The following PRKN variants were observed in gnomAD, a reference collection of about 807,000 sequenced individuals.
PRKN encodes the protein parkin RBR E3 ubiquitin protein ligase, also known as E3 ubiquitin-protein ligase parkin.
PRKN carries 56 observed loss-of-function variants against 59.5 expected under a neutral mutation model. The observed-to-expected ratio is 0.94, with a 90% confidence interval of 0.76 to 1.18. PRKN has a LOEUF of 1.18. Ranked by LOEUF, PRKN falls within the 50% of genes most tolerant of loss-of-function variation. The pLI is 0.00. For synonymous variants in PRKN, 250 were observed against 222.1 expected, an observed-to-expected ratio of 1.13 and a Z score of -1.12; for missense variants, 657 against 596.4, an observed-to-expected ratio of 1.10 and a Z score of -1.06.
At chr6:161,666,286 T>C (rs1784723225) in intron 7 of PRKN, among the ~76,000 whole-genome samples, 2 of 152,178 alleles carry the variant, frequency 1.3e-5, no homozygotes, top group South Asian at 4.1e-4. Context: ...CTCCACCTCT[T>C]GTCAGATCAG....
intron 7 of PRKN, among the ~76,000 whole-genome samples, chr6:161,570,227 A>C (rs1780836902): frequency 6.9e-6 from 1 of 144,472 alleles, no homozygotes; most frequent in Non-Finnish European, 1.5e-5. Context: ...ATTATATTTA[A>C]TGTATAGATA....
chr6:162,545,495 A>C (rs939860395), intron 1 of PRKN, among the ~76,000 whole-genome samples: 60 of 152,182 alleles, frequency 3.9e-4, no homozygotes, highest in Admixed American at 1.2e-3. Flanking sequence ...CAGAGCAGCC[A>C]TGGCTACATA....
At chr6:162,005,172 T>C (rs1319772875) in intron 5 of PRKN, among the ~76,000 whole-genome samples, 1 of 152,174 alleles carries the variant, frequency 6.6e-6, no homozygotes, top group East Asian at 1.9e-4. Context: ...AAAAGGGAAA[T>C]GACAACATAT....
At position 161,518,642 on chromosome 6, in the gene PRKN, G is replaced by A. The variant is rs750655647; in HGVS notation, c.1083+30212C>T. ...CCCTAGCAGCACAAGCCCAGCCTCC[G>A]CTCACCCAGCCCCCTAGTGAGGTGA... On this transcript the variant is annotated intron_variant, in intron 9 of 11. Coordinates refer to ENST00000366898, the MANE Select transcript of PRKN (RefSeq NM_004562.3). The surrounding 1 kb of genome is among the most constrained non-coding windows in gnomAD (Gnocchi z 5.0). Among the ~76,000 whole-genome samples, 7 of 152,276 alleles carry A rather than the reference G, an allele frequency of 4.6e-5. No homozygotes were observed. Among genetic ancestry groups the A allele is most frequent in the South Asian group, 2.1e-4 (1 of 4,810 alleles).
At chr6:162,670,770 T>C (rs1330413574) in intron 1 of PRKN, among the ~76,000 whole-genome samples, 3 of 152,228 alleles carry the variant, frequency 2.0e-5, no homozygotes, top group African/African-American at 7.2e-5. Flanking sequence ...AAATATACCA[T>C]ATTTACAATT....
chr6:161,637,954 T>C (rs1279105384), intron 7 of PRKN, among the ~76,000 whole-genome samples: 2 of 152,132 alleles, frequency 1.3e-5, no homozygotes, highest in Non-Finnish European at 2.9e-5. Flanking sequence ...AGAGGTAGAG[T>C]TGGCTTTCCA....
At chr6:162,437,639 T>C (rs1383615623) in intron 2 of PRKN, among the ~76,000 whole-genome samples, 2 of 152,172 alleles carry the variant, frequency 1.3e-5, no homozygotes, top group Non-Finnish European at 2.9e-5. Flanking sequence ...ATTTCTATCA[T>C]TTTGTCGTTT....
chr6:162,077,732 G>A (rs1043680028), intron 4 of PRKN, among the ~76,000 whole-genome samples: 2 of 151,932 alleles, frequency 1.3e-5, no homozygotes, highest in Admixed American at 6.6e-5. Context: ...GGGCGCTGTG[G>A]CTCAGGTCTG....
At chr6:161,489,025 AG>A (rs1777446531) in intron 9 of PRKN, among the ~76,000 whole-genome samples, 2 of 152,196 alleles carry the variant, frequency 1.3e-5, no homozygotes, top group Non-Finnish European at 2.9e-5. Context: ...ATGAAAGAAA[AG>A]GGGGCTAAGA....
intron 3 of PRKN, among the ~76,000 whole-genome samples, chr6:162,205,694 A>G (rs1784906526): frequency 6.6e-6 from 1 of 152,190 alleles, no homozygotes; most frequent in South Asian, 2.1e-4. Context: ...ACTCTCTGCA[A>G]TGATGAAAAT....
chr6:162,696,471 G>T (rs1231086319), intron 1 of PRKN, among the ~76,000 whole-genome samples: 3 of 151,370 alleles, frequency 2.0e-5, no homozygotes, highest in African/African-American at 7.3e-5. Flanking sequence ...TACTGGAAAA[G>T]CATGTATTTG....
intron 7 of PRKN, among the ~76,000 whole-genome samples, chr6:161,763,824 A>C (rs751526180): frequency 8.5e-5 from 13 of 152,052 alleles, no homozygotes; most frequent in Non-Finnish European, 1.6e-4. Context: ...CTGAATCGAG[A>C]AACCTAAGCA....
At chr6:161,918,605 G>T (rs1396127539) in intron 6 of PRKN, among the ~76,000 whole-genome samples, 1 of 152,106 alleles carries the variant, frequency 6.6e-6, no homozygotes, top group Non-Finnish European at 1.5e-5. Context: ...TATAATCATG[G>T]TGCATTATCT....
intron 3 of PRKN, among the ~76,000 whole-genome samples, chr6:162,262,037 C>T (rs574840202): frequency 6.6e-6 from 1 of 152,150 alleles, no homozygotes; most frequent in Non-Finnish European, 1.5e-5. Context: ...AATTCTATTA[C>T]ACCTTTGACT....
intron 6 of PRKN, among the ~76,000 whole-genome samples, chr6:161,796,791 A>C (rs1003730458): frequency 2.6e-5 from 4 of 152,200 alleles, no homozygotes; most frequent in Admixed American, 2.0e-4. Context: ...TATCATTTGC[A>C]CAGAGCTGTT....
chr6:162,558,564 G>A (rs1414679974), intron 1 of PRKN, among the ~76,000 whole-genome samples: 1 of 151,794 alleles, frequency 6.6e-6, no homozygotes, highest in Non-Finnish European at 1.5e-5. Context: ...CCCGATTTCA[G>A]GTGATCTGCC....
chr6:162,101,106 C>T (rs1236999567), intron 4 of PRKN, among the ~76,000 whole-genome samples: 1 of 152,008 alleles, frequency 6.6e-6, no homozygotes, highest in African/African-American at 2.4e-5. Context: ...CCTATTTTCC[C>T]TTTTGTTGCT....
chr6:161,928,897 T>C (rs763492731), intron 6 of PRKN, among the ~76,000 whole-genome samples: 6 of 152,182 alleles, frequency 3.9e-5, no homozygotes, highest in African/African-American at 7.2e-5. Context: ...TTGGATCTAA[T>C]TGGAATAGGC....
rs2114989857 is a variant in PRKN, at chr6:161,405,442, G to T, written c.1084-18565C>A. On this transcript the variant is annotated intron_variant, in intron 9 of 11. Coordinates refer to ENST00000366898, the MANE Select transcript of PRKN (RefSeq NM_004562.3). This position sits in a 1 kb window ranked among gnomAD's most constrained non-coding sequence, Gnocchi z 5.1. ...AAAATGCACAAATTAGCCAGGCATGGTGGCACACATCTGTAATCCCAGCTA... is the reference window on the plus strand; with the variant it reads ...AAAATGCACAAATTAGCCAGGCATGTTGGCACACATCTGTAATCCCAGCTA... Among the ~76,000 whole-genome samples, 1 of 152,070 alleles carries T rather than the reference G, an allele frequency of 6.6e-6. No individual in the cohort carries two copies. The highest frequency in any genetic ancestry group is 2.4e-5 in the African/African-American group (1 of 41,464).
Sources: gnomAD v4.1 joint callset for allele counts (sites outside exome capture counted in the v4.1 genomes callset) on GRCh38, gnomAD v4.1.1 for gene constraint, Gnocchi (gnomAD v3.1) non-coding constraint, MANE v1.5 for transcripts, NCBI Gene and HGNC (gene_info 2026-07-23, HGNC 2026-07-21) for gene names.